Variants in ARFGEF3 observed in about 807,000 individuals in gnomAD.
ARFGEF3 encodes brefeldin A-inhibited guanine nucleotide-exchange protein 3.
Under a neutral mutation model 221.7 loss-of-function variants are expected in ARFGEF3, and 96 were observed. The observed-to-expected ratio is 0.43, with a 90% CI of 0.37 to 0.51. ARFGEF3 has a LOEUF of 0.51. Ranked by LOEUF, ARFGEF3 falls within the 20% of genes least tolerant of loss-of-function variation. ARFGEF3 has a pLI of 0.00. For synonymous variants in ARFGEF3, 1,145 were observed against 1,126.8 expected, an observed-to-expected ratio of 1.02 and a Z score of -0.32; for missense variants, 2,410 against 2,789.9, an observed-to-expected ratio of 0.86 and a Z score of 3.07.
chr6:138,203,869 T>A (rs901120048), intron 2 of ARFGEF3, among the ~76,000 whole-genome samples: 1 of 151,762 alleles, frequency 6.6e-6, no homozygotes, highest in Non-Finnish European at 1.5e-5. Context: ...TCTCTATTGC[T>A]TGACTTCGTG....
chr6:138,177,803 G>T (rs931252188), intron 2 of ARFGEF3, among the ~76,000 whole-genome samples: 2 of 151,758 alleles, frequency 1.3e-5, no homozygotes, highest in Non-Finnish European at 2.9e-5. Flanking sequence ...GAATTTTTCA[G>T]TTCCAGAATA....
chr6:138,162,968 G>A lies in ARFGEF3; in HGVS notation c.85+797G>A, dbSNP rs1215610732. ...GAAAGGCCAAGAAGAAGCCAGCGCA[G>A]CTAGCTCTATGGGCTCCTCTCTCTG... On this transcript the variant is annotated intron_variant, in intron 1 of 33. Coordinates refer to ENST00000251691, the MANE Select transcript of ARFGEF3 (RefSeq NM_020340.5). The surrounding 1 kb of genome is among the most constrained non-coding windows in gnomAD (Gnocchi z 4.7). Among the ~76,000 whole-genome samples the A allele has an allele frequency of 6.6e-6, 1 of 152,204 alleles. No homozygotes were observed. Among genetic ancestry groups the A allele is most frequent in the Non-Finnish European group, 1.5e-5 (1 of 68,040 alleles).
chr6:138,341,783 G>C lies in ARFGEF3; in HGVS notation c.*5297G>C, dbSNP rs1304089617. ...AGATTTTGGAACAGAACACCCTTTA[G>C]ATTTCCAAAACACAATTCTTATTTC... On this transcript the variant is annotated 3_prime_UTR_variant, in exon 34 of 34. Transcript: ENST00000251691. 3 of 152,120 alleles carry C rather than the reference G, an allele frequency of 2.0e-5. No individual in the cohort carries two copies. The highest frequency in any genetic ancestry group is 4.4e-5 in the Non-Finnish European group (3 of 68,010). 9.4% of individuals were successfully genotyped at this position (152,120 alleles called of 1,614,324 possible). A position where few individuals can be genotyped will look rare whatever the true frequency, so the allele number is the denominator to read the frequency against.
In ARFGEF3 at chr6:138,339,127, A is replaced by G. The variant is rs761736309; in HGVS notation, c.*2641A>G. 1.3e-5 allele frequency: 2 copies of G among 152,326 alleles called. No homozygotes were observed. The highest frequency in any genetic ancestry group is 2.9e-5 in the Non-Finnish European group (2 of 68,114). The allele number at this position is 152,326 out of a possible 1,614,324, so 9.4% of individuals were successfully genotyped here. On this transcript the variant is annotated 3_prime_UTR_variant, in exon 34 of 34. Coordinates refer to ENST00000251691, the MANE Select transcript of ARFGEF3 (RefSeq NM_020340.5). The stretch of plus-strand genomic sequence containing the variant: ...CTGACATCAGATTTCAACCAGAACC[A>G]TCACTGAGTGACAGCAGTACTTCTC...
At chr6:138,294,183 C>T (rs1779466124) in intron 20 of ARFGEF3, 57 bp downstream of exon 20, 1 of 1,565,274 alleles carries the variant, frequency 6.4e-7, no homozygotes, top group East Asian at 2.2e-5. Flanking sequence ...ACAGCCCAGG[C>T]CTCTATCACC....
chr6:138,255,189 A>G (rs554635612), intron 9 of ARFGEF3, among the ~76,000 whole-genome samples: 2 of 152,332 alleles, frequency 1.3e-5, no homozygotes, highest in South Asian at 2.1e-4. Context: ...CCATTTCTTC[A>G]CTTATGATGG....
Position 138,334,879 on chromosome 6 carries a change from CA to C in ARFGEF3, c.6037del (p.Ile2013SerfsTer13). On this transcript the variant is annotated frameshift_variant, in exon 33 of 34. Transcript: ENST00000251691. LOFTEE classifies it high-confidence loss of function. The surrounding 1 kb of genome is among the most constrained non-coding windows in gnomAD (Gnocchi z 5.1). Reference sequence around the variant, plus strand: ...AGGAGTGGTGGGAGAATGCGGGGAACAAAATCTACACCATGGCAGCCGACAA... The same window carrying C: ...AGGAGTGGTGGGAGAATGCGGGGAACAAATCTACACCATGGCAGCCGACAA... ...KKEWWENAGN[K>X]IYTMAADKTI... The C allele has an allele frequency of 6.3e-7, 1 of 1,592,138 alleles. No individual in the cohort carries two copies. The highest frequency in any genetic ancestry group is 8.5e-7 in the Non-Finnish European group (1 of 1,170,112).
chr6:138,257,678 AC>A (rs1778710930), intron 10 of ARFGEF3, among the ~76,000 whole-genome samples: 1 of 151,864 alleles, frequency 6.6e-6, no homozygotes, highest in South Asian at 2.1e-4. Context: ...AGCGCAAATG[AC>A]CCCCAGCAGC....
At chr6:138,163,517 C>G (rs1199358078) in intron 1 of ARFGEF3, among the ~76,000 whole-genome samples, 1 of 152,084 alleles carries the variant, frequency 6.6e-6, no homozygotes, top group Non-Finnish European at 1.5e-5. Context: ...AAGCAGGGCC[C>G]AATTGTGCTT....
intron 2 of ARFGEF3, among the ~76,000 whole-genome samples, chr6:138,189,557 T>G (rs887306015): frequency 6.6e-6 from 1 of 152,244 alleles, no homozygotes; most frequent in Non-Finnish European, 1.5e-5. Context: ...ATGTAATATT[T>G]TGAAGCTTGC....
Position 138,344,650 on chromosome 6 carries a change from A to AAT in ARFGEF3, c.*8172_*8173dup, listed in dbSNP as rs1158342687. ...ATGAAACAATTGTGTTTACTGAATA[A>AAT]ATATATATAAATATCCTGTGTTTAC... On this transcript the variant is annotated 3_prime_UTR_variant, in exon 34 of 34. Transcript: ENST00000251691. The AAT allele has an allele frequency of 6.6e-6, 1 of 152,178 alleles. No homozygotes were observed. The highest frequency in any genetic ancestry group is 2.4e-5 in the African/African-American group (1 of 41,440). 9.4% of individuals were successfully genotyped at this position (152,178 alleles called of 1,614,324 possible). A position where few individuals can be genotyped will look rare whatever the true frequency, so the allele number is the denominator to read the frequency against.
At chr6:138,244,979 G>A (rs1778458751) in intron 7 of ARFGEF3, among the ~76,000 whole-genome samples, 1 of 152,042 alleles carries the variant, frequency 6.6e-6, no homozygotes, top group African/African-American at 2.4e-5. Context: ...TTTCTTTCTG[G>A]ACTATCTTTT....
rs190174091 is a variant in ARFGEF3, at chr6:138,243,955, T to A, written c.586+961T>A. Reference sequence around the variant, plus strand: ...CAGTGACGTGCGCTAAGATGTTCCATCTTCCTTTCCTCTTTTTGGCTATGG... The same window carrying A: ...CAGTGACGTGCGCTAAGATGTTCCAACTTCCTTTCCTCTTTTTGGCTATGG... On this transcript the variant is annotated intron_variant, in intron 7 of 33. Transcript: ENST00000251691. Among the ~76,000 whole-genome samples, 68 of 152,314 alleles carry A rather than the reference T, an allele frequency of 4.5e-4. 1 individual carries two copies. The East Asian group carries it at 5.8e-3, about 13-fold the overall frequency.
chr6:138,199,877 T>C lies in ARFGEF3; in HGVS notation c.138-7165T>C, dbSNP rs1383467108. ...TTGGACGCCCTTTATTTCTTCCTCT[T>C]GTCTGATAGCTCTGGCTAGGATTTC... On this transcript the variant is annotated intron_variant, in intron 2 of 33. Transcript: ENST00000251691. Among the ~76,000 whole-genome samples the C allele has an allele frequency of 2.6e-5, 4 of 152,182 alleles. No homozygotes were observed. The East Asian group carries it at 5.8e-4, about 22-fold the overall frequency.
intron 14 of ARFGEF3, among the ~76,000 whole-genome samples, chr6:138,282,136 G>C (rs1262215567): frequency 6.6e-6 from 1 of 152,148 alleles, no homozygotes; most frequent in East Asian, 1.9e-4. Flanking sequence ...TGTATTTTGA[G>C]TATAGATGGG....
chr6:138,183,570 A>AG (rs1777122261), intron 2 of ARFGEF3, among the ~76,000 whole-genome samples: 1 of 152,034 alleles, frequency 6.6e-6, no homozygotes, highest in Non-Finnish European at 1.5e-5. Flanking sequence ...GCAGTTGGGA[A>AG]GGGGGAGCAG....
Position 138,280,085 on chromosome 6 carries a change from C to G in ARFGEF3, c.2382C>G (p.Leu794=), listed in dbSNP as rs770959574. The G allele has an allele frequency of 2.5e-6, 4 of 1,613,766 alleles. No individual in the cohort carries two copies. Among genetic ancestry groups the G allele is most frequent in the South Asian group, 1.1e-5 (1 of 91,080 alleles). ...AWIEELYHQV[L]DRNMLGEAGY... ...TTGAGGAGCTCTACCATCAGGTGCT[C>G]GACAGGAACATGCTTGGAGAGGCTG... Residue 794 remains leucine (L), a synonymous_variant, in exon 14 of 34, where the codon CTC becomes CTG. Coordinates refer to ENST00000251691, the MANE Select transcript of ARFGEF3 (RefSeq NM_020340.5).
intron 5 of ARFGEF3, among the ~76,000 whole-genome samples, chr6:138,234,674 T>C (rs991050217): frequency 2.4e-4 from 37 of 152,180 alleles, no homozygotes; most frequent in African/African-American, 8.4e-4. Context: ...CTGGTTCTAA[T>C]GTGTTCAAGA....
chr6:138,255,230 AT>A (rs1400482847), intron 9 of ARFGEF3, among the ~76,000 whole-genome samples: 1 of 152,160 alleles, frequency 6.6e-6, no homozygotes, highest in Non-Finnish European at 1.5e-5. Context: ...ATTTTATTTC[AT>A]TCATGCTAGC....
Sources: allele counts gnomAD v4.1 joint callset (sites outside exome capture counted in the v4.1 genomes callset), GRCh38; gene constraint gnomAD v4.1.1; non-coding constraint Gnocchi (gnomAD v3.1); transcripts MANE v1.5; gene names NCBI Gene and HGNC (gene_info 2026-07-23, HGNC 2026-07-21).